Variants in PPP2R5C observed in about 807,000 individuals in gnomAD.
PPP2R5C encodes serine/threonine-protein phosphatase 2A 56 kDa regulatory subunit gamma isoform.
Under a neutral mutation model 68.9 loss-of-function variants are expected in PPP2R5C, and 7 were observed. The observed-to-expected ratio is 0.10, with a 90% CI of 0.06 to 0.19. PPP2R5C has a LOEUF of 0.19. Among genes scored for constraint, PPP2R5C ranks in the 10% least tolerant of loss-of-function variants. The pLI is 1.00. For missense variants in PPP2R5C, 348 were observed against 641.3 expected (o/e 0.54, Z 4.94); for synonymous variants, 210 against 222.2 (o/e 0.95, Z 0.49).
Position 101,781,691 on chromosome 14 carries a change from C to T in PPP2R5C, c.94-4327C>T, listed in dbSNP as rs985349690. ...GCCTTTGCCCCGGCCTCCGCTGCCT[C>T]GCCCCGGAGCCCGGAGGAGGGGAGC... On this transcript the variant is annotated intron_variant, in intron 2 of 14. Coordinates refer to the PPP2R5C transcript ENST00000328724. This position sits in a 1 kb window ranked among gnomAD's most constrained non-coding sequence, Gnocchi z 6.4. Among the ~76,000 whole-genome samples the T allele has an allele frequency of 1.1e-4, 17 of 152,116 alleles. No individual in the cohort carries two copies. The highest frequency in any genetic ancestry group is 2.4e-4 in the Non-Finnish European group (16 of 67,988).
chr14:101,892,827 G>C (rs2720221), intron 6 of PPP2R5C, among the ~76,000 whole-genome samples, 173 bp from the exon 9 acceptor site: 53,174 of 151,918 alleles, frequency 0.35, 13,571 homozygotes, highest in African/African-American at 0.73. Flanking sequence ...AGATGATCCT[G>C]CCGCCTCAGC....
intron 1 of PPP2R5C, among the ~76,000 whole-genome samples, chr14:101,850,736 G>A (rs934171390): frequency 6.6e-6 from 1 of 152,166 alleles, no homozygotes; most frequent in Non-Finnish European, 1.5e-5. Flanking sequence ...ACTGCTCTAG[G>A]ACACAGGAGA....
At chr14:101,875,325 G>C (rs992594198) in intron 2 of PPP2R5C, among the ~76,000 whole-genome samples, 1 of 152,084 alleles carries the variant, frequency 6.6e-6, no homozygotes, top group Non-Finnish European at 1.5e-5. Context: ...TTAAACCAAG[G>C]ACTTCCCGGC....
chr14:101,871,671 C>T (rs998030312), intron 2 of PPP2R5C, among the ~76,000 whole-genome samples: 3 of 146,946 alleles, frequency 2.0e-5, no homozygotes, highest in Non-Finnish European at 4.4e-5. Flanking sequence ...CTATTTGTCC[C>T]ACCTGTTTAT....
intron 2 of PPP2R5C, among the ~76,000 whole-genome samples, chr14:101,779,989 C>T (rs1206232276): frequency 6.6e-6 from 1 of 152,158 alleles, no homozygotes; most frequent in Non-Finnish European, 1.5e-5. Flanking sequence ...GTCCCCATTG[C>T]CCAGCCTTGG....
intron 2 of PPP2R5C, among the ~76,000 whole-genome samples, chr14:101,768,196 A>C (rs1212167814): frequency 6.6e-6 from 1 of 152,182 alleles, no homozygotes; most frequent in Non-Finnish European, 1.5e-5. Context: ...TGGAGGATCA[A>C]ATCGCCCCCT....
At chr14:101,763,204 G>A (rs534039722) in intron 2 of PPP2R5C, among the ~76,000 whole-genome samples, 1 of 152,044 alleles carries the variant, frequency 6.6e-6, no homozygotes, top group South Asian at 2.1e-4. Flanking sequence ...TTGTTTGTGG[G>A]TCTTTTGGGG....
At chr14:101,764,484 CT>C (rs993138433) in intron 2 of PPP2R5C, among the ~76,000 whole-genome samples, 2 of 152,154 alleles carry the variant, frequency 1.3e-5, no homozygotes, top group East Asian at 3.9e-4. Flanking sequence ...CTGCAGTGGA[CT>C]TTTTTTTAGC....
intron 1 of PPP2R5C, among the ~76,000 whole-genome samples, chr14:101,851,101 A>G (rs1265978989): frequency 6.6e-6 from 1 of 152,146 alleles, no homozygotes; most frequent in Non-Finnish European, 1.5e-5. Flanking sequence ...CGACTTGCAT[A>G]GACCTCCCCA....
chr14:101,795,488 G>A (rs1184872034), intron 3 of PPP2R5C, among the ~76,000 whole-genome samples: 1 of 152,030 alleles, frequency 6.6e-6, no homozygotes, highest in Non-Finnish European at 1.5e-5. Context: ...TGGACTGGAA[G>A]GTGGAAGTGT....
chr14:101,793,136 C>T (rs768789950), intron 3 of PPP2R5C, among the ~76,000 whole-genome samples: 10 of 152,084 alleles, frequency 6.6e-5, no homozygotes, highest in Non-Finnish European at 1.2e-4. Context: ...CCTCGGCCTC[C>T]CAAAGTGCTG....
Position 101,913,625 on chromosome 14 carries a change from G to A in PPP2R5C, c.1326+1152G>A, listed in dbSNP as rs2046503338. 6.6e-6 allele frequency among the ~76,000 whole-genome samples: 1 copy of A among 152,156 alleles called. No individual in the cohort carries two copies. The highest frequency in any genetic ancestry group is 1.5e-5 in the Non-Finnish European group (1 of 68,028). On this transcript the variant is annotated intron_variant, in intron 12 of 13. Transcript: ENST00000334743. This position sits in a 1 kb window ranked among gnomAD's most constrained non-coding sequence, Gnocchi z 4.1. ...CCTTAATTGAGGTAGGTAGCTATAG[G>A]CGTCTCCTTTTAACGAATTGAATTT...
Position 101,771,927 on chromosome 14 carries a change from T to G in PPP2R5C, c.93+8957T>G, listed in dbSNP as rs1430653424. ...TATTTTAAATTTAAATTTAAATTAA[T>G]GAAAATTAAAATTATGTAAATAATT... On this transcript the variant is annotated intron_variant, in intron 2 of 14. Transcript: ENST00000328724. 2.6e-5 allele frequency among the ~76,000 whole-genome samples: 4 copies of G among 152,294 alleles called. No individual in the cohort carries two copies. The East Asian group carries it at 7.7e-4, about 29-fold the overall frequency.
chr14:101,788,642 A>G (rs1294051643), intron 3 of PPP2R5C, among the ~76,000 whole-genome samples: 1 of 152,232 alleles, frequency 6.6e-6, no homozygotes, highest in Non-Finnish European at 1.5e-5. Context: ...TCTCCATAGT[A>G]AATCCACATA....
At chr14:101,778,203 G>C (rs1042411256) in intron 2 of PPP2R5C, among the ~76,000 whole-genome samples, 3 of 152,016 alleles carry the variant, frequency 2.0e-5, no homozygotes, top group African/African-American at 7.3e-5. Flanking sequence ...TGCTTGTTTG[G>C]CCATTTGTAT....
chr14:101,787,095 A>G (rs2038127291), intron 3 of PPP2R5C, among the ~76,000 whole-genome samples: 1 of 152,166 alleles, frequency 6.6e-6, no homozygotes, highest in African/African-American at 2.4e-5. Flanking sequence ...CTACAAAAAA[A>G]TAAAATTTGC....
chr14:101,819,712 C>T (rs2039932658), intron 1 of PPP2R5C: 1 of 152,428 alleles, frequency 6.6e-6, no homozygotes, highest in South Asian at 2.1e-4. Context: ...ACCTCCCCAG[C>T]TCGAGCATTC....
Position 101,879,843 on chromosome 14 carries a change from G to A in PPP2R5C, c.295-2318G>A, listed in dbSNP as rs2749908. On this transcript the variant is annotated intron_variant, in intron 2 of 13. Transcript: ENST00000334743. The surrounding 1 kb of genome is among the most constrained non-coding windows in gnomAD (Gnocchi z 4.2). ...TCCTTTCTCTGCCCTTCATGGCCCTGGAAGTTATGGAGAGCTTCAGCAGTG... is the reference window on the plus strand; with the variant it reads ...TCCTTTCTCTGCCCTTCATGGCCCTAGAAGTTATGGAGAGCTTCAGCAGTG... 0.39 allele frequency among the ~76,000 whole-genome samples: 58,961 copies of A among 152,200 alleles called. 15,186 individuals are homozygous for A. The highest frequency in any genetic ancestry group is 0.74 in the African/African-American group (30,812 of 41,520).
At chr14:101,824,158 A>G in intron 1 of PPP2R5C, 2 of 1,275,442 alleles carry the variant, frequency 1.6e-6, no homozygotes, top group Non-Finnish European at 2.0e-6. Context: ...AGCTGGCAAG[A>G]GTATTTTCGT....
Sources: allele counts gnomAD v4.1 joint callset (sites outside exome capture counted in the v4.1 genomes callset), GRCh38; gene constraint gnomAD v4.1.1; non-coding constraint Gnocchi (gnomAD v3.1); transcripts MANE v1.5; gene names NCBI Gene and HGNC (gene_info 2026-07-23, HGNC 2026-07-21).